The following PAFAH1B2 variants were observed in gnomAD, a reference collection of about 807,000 sequenced individuals.
PAFAH1B2 encodes the protein platelet-activating factor acetylhydrolase IB subunit alpha2.
Under a neutral mutation model 28.0 loss-of-function variants are expected in PAFAH1B2, and 8 were observed. That is an observed-to-expected ratio of 0.29 (90% CI 0.17 to 0.52). The LOEUF is 0.52. Among genes scored for constraint, PAFAH1B2 ranks in the 20% least tolerant of loss-of-function variants. The pLI is 0.97. For synonymous variants in PAFAH1B2, 104 were observed against 103.2 expected, an observed-to-expected ratio of 1.01 and a Z score of -0.05; for missense variants, 190 against 282.6, an observed-to-expected ratio of 0.67 and a Z score of 2.35.
chr11:117,175,508 G>C, downstream of PAFAH1B2: 1 of 1,096,538 alleles, frequency 9.1e-7, no homozygotes, highest in Non-Finnish European at 1.1e-6. Flanking sequence ...TTGAGACCTT[G>C]CAAAAGGGAA....
Position 117,167,540 on chromosome 11 carries a change from G to A in PAFAH1B2, c.531G>A (p.Gly177=). 6.2e-7 allele frequency: 1 copy of A among 1,613,186 alleles called. No homozygotes were observed. The highest frequency in any genetic ancestry group is 8.5e-7 in the Non-Finnish European group (1 of 1,179,530). ...LANVQLLDTD[G]GFVHSDGAIS... ...ACGTGCAGCTCCTGGATACCGACGG[G>A]GGTTTTGTGCACTCGGACGGTGCCA... The change falls in exon 6 of 6, where the codon GGG becomes GGA. Residue 177 remains glycine, a synonymous_variant. Transcript: ENST00000527958.
downstream of PAFAH1B2, among the ~76,000 whole-genome samples, chr11:117,177,828 A>C (rs1310585395): frequency 1.3e-5 from 2 of 152,292 alleles, no homozygotes; most frequent in Non-Finnish European, 2.9e-5. Flanking sequence ...GAGCCACGGC[A>C]CCTGGCTCTA....
In PAFAH1B2 at chr11:117,168,448, T is replaced by TTGTTTTTTTTTG. The variant is rs1293246106; in HGVS notation, c.*750_*751insGTTTTTTTTTGT. ...CCCTTCATTCCCCCCGCCACCCCGT[T>TTGTTTTTTTTTG]TTTTTTTTTTTTTTTTTTTTTTTGG... is the stretch of plus-strand genomic sequence containing the variant. On this transcript the variant is annotated 3_prime_UTR_variant, in exon 6 of 6. Transcript: ENST00000527958. 4 of 581,204 alleles carry TTGTTTTTTTTTG rather than the reference T, an allele frequency of 6.9e-6. No homozygotes were observed. The East Asian group carries it at 3.8e-4, about 55-fold the overall frequency. The allele number at this position is 581,204 out of a possible 1,614,324, so 36.0% of individuals were successfully genotyped here.
At chr11:117,146,162 C>T (rs1357704393) in intron 1 of PAFAH1B2, among the ~76,000 whole-genome samples, 1 of 150,434 alleles carries the variant, frequency 6.6e-6, no homozygotes, top group Non-Finnish European at 1.5e-5. Flanking sequence ...CAGTCTGTCG[C>T]CCAGGCTGGA....
rs1040853183 is a variant in PAFAH1B2, at chr11:117,169,133, C to T, written c.*1434C>T. 1.5e-5 allele frequency: 15 copies of T among 1,023,988 alleles called. No individual in the cohort carries two copies. In the Admixed American group the frequency reaches 5.2e-4, roughly 36 times the overall value. The allele number at this position is 1,023,988 out of a possible 1,614,324, so 63.4% of individuals were successfully genotyped here. On this transcript the variant is annotated 3_prime_UTR_variant, in exon 6 of 6. Transcript: ENST00000527958. ...AAATTATCCTCCAAAAATTTTGGGC[C>T]TTTTTCTGTGGGGAAACAAGTGAAG...
intron 4 of PAFAH1B2, 58 bp from the exon 5 acceptor site, chr11:117,163,712 C>G (rs1013029467): frequency 5.9e-6 from 9 of 1,520,928 alleles, no homozygotes; most frequent in African/African-American, 1.4e-5. Flanking sequence ...AAATGTTGGA[C>G]GTTCCTTTGT....
rs1053480638 is a variant in PAFAH1B2, at chr11:117,167,300, T to C, written c.412-121T>C. 3.9e-6 allele frequency: 4 copies of C among 1,016,710 alleles called. No homozygotes were observed. In the East Asian group the frequency reaches 1.1e-4, roughly 28 times the overall value. 63.0% of individuals were successfully genotyped at this position (1,016,710 alleles called of 1,614,324 possible). On this transcript the variant is annotated intron_variant, in intron 5 of 5. Coordinates refer to ENST00000527958, the MANE Select transcript of PAFAH1B2 (RefSeq NM_002572.4). The stretch of plus-strand genomic sequence containing the variant: ...ATTCAAAACAGTATTTTCCAATGTT[T>C]CACAACTCAAAGGTGTAGAAAGTGC...
At chr11:117,164,300 G>C (rs150984554) in intron 5 of PAFAH1B2, among the ~76,000 whole-genome samples, 2 of 152,068 alleles carry the variant, frequency 1.3e-5, no homozygotes, top group Non-Finnish European at 2.9e-5. Flanking sequence ...CCAGCTACTC[G>C]GGAGGCCGAG....
In PAFAH1B2 at chr11:117,152,547, G is replaced by A. The variant is rs752928505; in HGVS notation, c.81+19G>A. 4 of 1,535,692 alleles carry A rather than the reference G, an allele frequency of 2.6e-6. No homozygotes were observed. The Admixed American group carries it at 6.7e-5, about 26-fold the overall frequency. ...GTCTCAGGTAAAAGGAAGTGCATGT[G>A]TATCATTCACATGAGTTGAGTCTCC... is the stretch of plus-strand genomic sequence containing the variant. On this transcript the variant is annotated intron_variant, in intron 2 of 5. Coordinates refer to ENST00000527958, the MANE Select transcript of PAFAH1B2 (RefSeq NM_002572.4).
downstream of PAFAH1B2, among the ~76,000 whole-genome samples, chr11:117,172,590 C>A (rs763727338): frequency 5.3e-5 from 8 of 151,970 alleles, no homozygotes; most frequent in African/African-American, 1.2e-4. Flanking sequence ...TGTAACCTTC[C>A]ACCCTTTACT....
Position 117,168,881 on chromosome 11 carries a change from C to T in PAFAH1B2, c.*1182C>T. The stretch of plus-strand genomic sequence containing the variant: ...TCTTGGCTCACTGCAGCCTCCACCT[C>T]CCGAGTTCAAATGATTCTCCTGCCT... On this transcript the variant is annotated 3_prime_UTR_variant, in exon 6 of 6. Coordinates refer to ENST00000527958, the MANE Select transcript of PAFAH1B2 (RefSeq NM_002572.4). 2 of 417,478 alleles carry T rather than the reference C, an allele frequency of 4.8e-6. No homozygotes were observed. The highest frequency in any genetic ancestry group is 6.7e-6 in the Non-Finnish European group (2 of 298,912). The allele number at this position is 417,478 out of a possible 1,614,324, so 25.9% of individuals were successfully genotyped here.
rs754124328 is a variant in PAFAH1B2, at chr11:117,159,995, C to T, written c.143C>T (p.Ser48Phe). The T allele has an allele frequency of 6.2e-7, 1 of 1,613,360 alleles. No homozygotes were observed. Among genetic ancestry groups the T allele is most frequent in the Non-Finnish European group, 8.5e-7 (1 of 1,179,444 alleles). ...KEPDVLFVGD[S>F]MVQLMQQYEI... Reference sequence around the variant, plus strand: ...CCTGATGTACTGTTCGTGGGAGACTCCATGGTGCAGTTAATGCAGCAATAT... The same window carrying T: ...CCTGATGTACTGTTCGTGGGAGACTTCATGGTGCAGTTAATGCAGCAATAT... The change falls in exon 3 of 6, where the codon TCC becomes TTC. Residue 48 changes from serine (S) to phenylalanine (F), a missense_variant. Ser to Phe is a radical substitution (Grantham distance 155). Coordinates refer to ENST00000527958, the MANE Select transcript of PAFAH1B2 (RefSeq NM_002572.4).
chr11:117,156,317 T>A (rs1054730534), intron 2 of PAFAH1B2, among the ~76,000 whole-genome samples: 17 of 152,208 alleles, frequency 1.1e-4, no homozygotes, highest in African/African-American at 3.6e-4. Context: ...TGGGTGCCAG[T>A]CAATAGCTGG....
chr11:117,158,221 T>C (rs1375253600), intron 2 of PAFAH1B2, among the ~76,000 whole-genome samples: 1 of 152,112 alleles, frequency 6.6e-6, no homozygotes, highest in Non-Finnish European at 1.5e-5. Context: ...TTTCTTTTCT[T>C]CATAGTGAAG....
downstream of PAFAH1B2, chr11:117,175,084 T>A: frequency 2.4e-6 from 3 of 1,273,948 alleles, no homozygotes; most frequent in South Asian, 2.4e-5. Flanking sequence ...CATTCAACAC[T>A]CAGGCTCAGG....
In PAFAH1B2 at chr11:117,158,833, C is replaced by T. The variant is rs117594337; in HGVS notation, c.82-1101C>T. Among the ~76,000 whole-genome samples, 1,296 of 151,876 alleles carry T rather than the reference C, an allele frequency of 8.5e-3. 13 individuals carry two copies. The highest frequency in any genetic ancestry group is 0.026 in the South Asian group (127 of 4,810). On this transcript the variant is annotated intron_variant, in intron 2 of 5. Coordinates refer to ENST00000527958, the MANE Select transcript of PAFAH1B2 (RefSeq NM_002572.4). ...CTAATTTTTGTATTATTATTAGAGG[C>T]GGGGTTTCACCATGTTGGCTGGGCT...
rs1311233598 is a variant in PAFAH1B2 at position 117,168,975 on chromosome 11, G to A, written c.*1276G>A. On this transcript the variant is annotated 3_prime_UTR_variant, in exon 6 of 6. Coordinates refer to ENST00000527958, the MANE Select transcript of PAFAH1B2 (RefSeq NM_002572.4). ...CCGGCTAATTTTTATATTTTTATTA[G>A]AGACGGGATTTCGCCATGTTAACCA... 3 of 321,788 alleles carry A rather than the reference G, an allele frequency of 9.3e-6. No homozygotes were observed. Among genetic ancestry groups the A allele is most frequent in the Non-Finnish European group, 1.4e-5 (3 of 213,930 alleles). 19.9% of individuals were successfully genotyped at this position (321,788 alleles called of 1,614,324 possible). A position where few individuals can be genotyped will look rare whatever the true frequency, so the allele number is the denominator to read the frequency against.
At chr11:117,173,297 A>G (rs1956712639), downstream of PAFAH1B2, among the ~76,000 whole-genome samples, 2 of 152,196 alleles carry the variant, frequency 1.3e-5, no homozygotes, top group South Asian at 2.1e-4. Context: ...TCTAGGAGAA[A>G]GTACTGCCCA....
At chr11:117,167,326 C>T in intron 5 of PAFAH1B2, 95 bp from the exon 6 acceptor site, 1 of 1,264,216 alleles carries the variant, frequency 7.9e-7, no homozygotes, top group Non-Finnish European at 1.1e-6. Flanking sequence ...TAGAAAGTGC[C>T]AAATGGAGAT....
Sources: allele counts gnomAD v4.1 joint callset (sites outside exome capture counted in the v4.1 genomes callset), GRCh38; gene constraint gnomAD v4.1.1; transcripts MANE v1.5; gene names NCBI Gene and HGNC (gene_info 2026-07-23, HGNC 2026-07-21).